The following ZCCHC17 variants were observed in gnomAD, a reference collection of about 807,000 sequenced individuals.
ZCCHC17 encodes the protein zinc finger CCHC-type containing 17.
A neutral mutation model predicts 30.6 loss-of-function variants in ZCCHC17; 18 were observed. The ratio of observed to expected loss-of-function variants is 0.59; its 90% CI spans 0.41 to 0.87. ZCCHC17 has a LOEUF of 0.87. Among genes scored for constraint, ZCCHC17 ranks in the 40% least tolerant of loss-of-function variants. The probability of loss-of-function intolerance (pLI) is 0.00; values close to 1 mark genes in which losing one functional copy is unlikely to be tolerated. For missense variants in ZCCHC17, 263 were observed against 284.2 expected (o/e 0.93, Z 0.54); for synonymous variants, 88 against 92.4 (o/e 0.95, Z 0.27).
At chr1:31,362,570 CTCTTT>C (rs1335638592) in intron 7 of ZCCHC17, among the ~76,000 whole-genome samples, 7 of 152,150 alleles carry the variant, frequency 4.6e-5, no homozygotes, top group African/African-American at 1.4e-4. Flanking sequence ...TCTTTCTCAG[CTCTTT>C]TCTTTATGAG....
chr1:31,311,049 A>G lies in ZCCHC17; in HGVS notation c.66+885A>G, dbSNP rs143116181. 6.6e-5 allele frequency among the ~76,000 whole-genome samples: 10 copies of G among 152,188 alleles called. No individual in the cohort carries two copies. The East Asian group carries it at 1.7e-3, about 26-fold the overall frequency. On this transcript the variant is annotated intron_variant, in intron 2 of 7. Transcript: ENST00000344147. ...AGCTCCTCTCCAGTCTGTTCTTCAC[A>G]TTGTAGCTAGCATAAGATTTTTGTT...
intron 7 of ZCCHC17, among the ~76,000 whole-genome samples, chr1:31,354,456 T>G (rs1258066868): frequency 6.6e-6 from 1 of 152,076 alleles, no homozygotes; most frequent in East Asian, 1.9e-4. Flanking sequence ...CAGGCTGGAG[T>G]ACAGTCACAT....
At chr1:31,316,623 G>C (rs1430593544) in intron 2 of ZCCHC17, among the ~76,000 whole-genome samples, 3 of 152,154 alleles carry the variant, frequency 2.0e-5, no homozygotes, top group Admixed American at 6.5e-5. Flanking sequence ...TGTAAACTCA[G>C]GTAAGCACTT....
At chr1:31,337,324 T>C in intron 4 of ZCCHC17, 49 bp downstream of exon 4, 6 of 1,521,398 alleles carry the variant, frequency 3.9e-6, no homozygotes, top group Non-Finnish European at 4.5e-6. Flanking sequence ...TAGGAAGAGC[T>C]GGGATTTTTG....
At position 31,364,245 on chromosome 1, in the gene ZCCHC17, G is replaced by T; in HGVS notation, c.*52G>T. The T allele has an allele frequency of 6.4e-7, 1 of 1,565,454 alleles. No homozygotes were observed. Among genetic ancestry groups the T allele is most frequent in the East Asian group, 2.3e-5 (1 of 43,280 alleles). On this transcript the variant is annotated 3_prime_UTR_variant, in exon 8 of 8. Coordinates refer to ENST00000344147, the MANE Select transcript of ZCCHC17 (RefSeq NM_016505.4). ...GAGAGTAAGAAACCAGGAGCCTTGT[G>T]CCTTGAGACTCCTGGAAAGACTCAA...
At chr1:31,339,991 G>C (rs1467344582) in intron 5 of ZCCHC17, among the ~76,000 whole-genome samples, 1 of 82,752 alleles carries the variant, frequency 1.2e-5, no homozygotes, top group Non-Finnish European at 3.0e-5. Context: ...TTTTGAGATG[G>C]GGTCGCCCAG....
At chr1:31,340,315 GTTT>G (rs71028757) in intron 5 of ZCCHC17, among the ~76,000 whole-genome samples, 3 of 95,110 alleles carry the variant, frequency 3.2e-5, no homozygotes, top group Non-Finnish European at 6.3e-5. Flanking sequence ...ATCTTGGAGG[GTTT>G]TTTTTTTTTT....
At chr1:31,351,979 A>T (rs1201770485) in intron 7 of ZCCHC17, among the ~76,000 whole-genome samples, 1 of 152,218 alleles carries the variant, frequency 6.6e-6, no homozygotes, top group Non-Finnish European at 1.5e-5. Context: ...AAATTTAGTT[A>T]ATAGACTGCC....
intron 3 of ZCCHC17, 57 bp from the exon 4 acceptor site, chr1:31,337,118 G>A (rs1569862556): frequency 6.7e-7 from 1 of 1,482,100 alleles, no homozygotes; most frequent in Non-Finnish European, 9.3e-7. Context: ...ATCCAGTTTA[G>A]AGTATAAATA....
rs140374583 is a variant in ZCCHC17, at chr1:31,311,205, A to G, written c.66+1041A>G. Among the ~76,000 whole-genome samples the G allele has an allele frequency of 1.4e-4, 21 of 152,350 alleles. No individual in the cohort carries two copies. In the East Asian group the frequency reaches 2.7e-3, roughly 20 times the overall value. On this transcript the variant is annotated intron_variant, in intron 2 of 7. Transcript: ENST00000344147. The stretch of plus-strand genomic sequence containing the variant: ...CTCCCAGAGTCCTGGGGTTACAGGC[A>G]TGAGCCATTGTGCTTGGCCTAGAAT...
At chr1:31,302,883 C>T (rs755160257) in intron 1 of ZCCHC17, among the ~76,000 whole-genome samples, 11 of 152,142 alleles carry the variant, frequency 7.2e-5, no homozygotes, top group Non-Finnish European at 1.0e-4. Flanking sequence ...TAGGTCCCTC[C>T]CCCAACATGT....
At chr1:31,355,178 TAAAAAA>T (rs59792081) in intron 7 of ZCCHC17, among the ~76,000 whole-genome samples, 1 of 137,750 alleles carries the variant, frequency 7.3e-6, no homozygotes, top group South Asian at 2.4e-4. Context: ...CCATCTCAAT[TAAAAAA>T]AAAAAAAAAA....
intron 5 of ZCCHC17, among the ~76,000 whole-genome samples, chr1:31,344,834 T>C (rs554682137): frequency 7.8e-5 from 11 of 141,260 alleles, no homozygotes; most frequent in African/African-American, 2.3e-4. Flanking sequence ...TGTCCTCAAG[T>C]TTCTGCCTTT....
intron 3 of ZCCHC17, among the ~76,000 whole-genome samples, chr1:31,320,211 C>T (rs1646829469): frequency 6.6e-6 from 1 of 152,188 alleles, no homozygotes; most frequent in Non-Finnish European, 1.5e-5. Context: ...ATACATGCAA[C>T]AACCTGGATC....
At position 31,338,417 on chromosome 1, in the gene ZCCHC17, A is replaced by G. The variant is rs1020259725; in HGVS notation, c.226-540A>G. ...TAGAATATGAGCTGAGACCTTAAAG[A>G]AAAGGAACTAGTCATGGAAGACTTG... On this transcript the variant is annotated intron_variant, in intron 4 of 7. Coordinates refer to ENST00000344147, the MANE Select transcript of ZCCHC17 (RefSeq NM_016505.4). Among the ~76,000 whole-genome samples, 8 of 152,326 alleles carry G rather than the reference A, an allele frequency of 5.3e-5. No homozygotes were observed. In the South Asian group the frequency reaches 1.7e-3, roughly 32 times the overall value.
chr1:31,353,146 G>A (rs1458519209), intron 7 of ZCCHC17, among the ~76,000 whole-genome samples: 1 of 152,070 alleles, frequency 6.6e-6, no homozygotes, highest in East Asian at 1.9e-4. Flanking sequence ...CTTTTCATGT[G>A]CTTATTGGCC....
chr1:31,351,018 A>G (rs1639451721), intron 7 of ZCCHC17, among the ~76,000 whole-genome samples: 1 of 152,144 alleles, frequency 6.6e-6, no homozygotes, highest in Non-Finnish European at 1.5e-5. Flanking sequence ...GTAAGTTCCT[A>G]ATTAGAGTTG....
At chr1:31,336,996 T>G in intron 3 of ZCCHC17, 179 bp from the exon 4 acceptor site, 1 of 516,536 alleles carries the variant, frequency 1.9e-6, no homozygotes. Flanking sequence ...ATTTTAAGAA[T>G]GTTTGTTGGT....
intron 3 of ZCCHC17, among the ~76,000 whole-genome samples, chr1:31,327,898 T>C (rs1638421908): frequency 6.6e-6 from 1 of 152,170 alleles, no homozygotes; most frequent in Admixed American, 6.5e-5. Flanking sequence ...TGCTGAGTAC[T>C]ACTGTAATGG....
Sources: allele counts gnomAD v4.1 joint callset (sites outside exome capture counted in the v4.1 genomes callset), GRCh38; gene constraint gnomAD v4.1.1; transcripts MANE v1.5; gene names NCBI Gene and HGNC (gene_info 2026-07-23, HGNC 2026-07-21).